ARHGAP8: variants seen among roughly 807,000 people sequenced by gnomAD.
The protein encoded by ARHGAP8 is rho GTPase-activating protein 8.
A neutral mutation model predicts 46.1 loss-of-function variants in ARHGAP8; 62 were observed. The observed-to-expected ratio is 1.34, with a 90% CI of 1.10 to 1.66. The LOEUF is 1.66. Among genes scored for constraint, ARHGAP8 ranks in the 40% most tolerant of loss-of-function variants. The pLI is 0.00. For synonymous variants in ARHGAP8, 375 were observed against 243.1 expected, an observed-to-expected ratio of 1.54 and a Z score of -5.05; for missense variants, 923 against 568.4, an observed-to-expected ratio of 1.62 and a Z score of -6.34.
rs79201239 is a variant in ARHGAP8, at chr22:44,859,525, A to G, written c.878-206A>G. 1.0e-3 allele frequency: 622 copies of G among 593,384 alleles called. 4 individuals carry two copies. In the African/African-American group the frequency reaches 0.011, roughly 10 times the overall value. The allele number at this position is 593,384 out of a possible 1,614,324, so 36.8% of individuals were successfully genotyped here. Reference sequence around the variant, plus strand: ...CAGTTAAACCTCTTTTCTTATAAATAACCCCATCTCAGCAAGAATAGCCAA... The same window carrying G: ...CAGTTAAACCTCTTTTCTTATAAATGACCCCATCTCAGCAAGAATAGCCAA... On this transcript the variant is annotated intron_variant, in intron 10 of 11. Coordinates refer to ENST00000356099, the MANE Select transcript of ARHGAP8 (RefSeq NM_181335.3).
At chr22:44,768,696 C>T (rs1925779566) in intron 1 of ARHGAP8, among the ~76,000 whole-genome samples, 1 of 152,096 alleles carries the variant, frequency 6.6e-6, no homozygotes, top group African/African-American at 2.4e-5. Flanking sequence ...CAGATGAAGC[C>T]TTTTGGGCAA....
chr22:44,821,802 C>T (rs140184933), intron 5 of ARHGAP8, among the ~76,000 whole-genome samples: 176 of 152,268 alleles, frequency 1.2e-3, no homozygotes, highest in African/African-American at 3.9e-3. Flanking sequence ...AGGGAGAAGA[C>T]GGAGTTGCTG....
intron 1 of ARHGAP8, 67 bp downstream of exon 1, chr22:44,752,694 CGCG>C (rs1924330915): frequency 7.6e-6 from 1 of 132,196 alleles, no homozygotes; most frequent in Non-Finnish European, 1.6e-5. Context: ...GGGGGTGCGC[CGCG>C]GGGGCTCCCA....
intron 5 of ARHGAP8, among the ~76,000 whole-genome samples, chr22:44,821,419 A>C (rs972997364): frequency 2.1e-5 from 2 of 94,168 alleles, no homozygotes; most frequent in African/African-American, 8.7e-5. Flanking sequence ...ACAGAGCGAG[A>C]CTCCATCTCG....
At chr22:44,785,088 A>G (rs1207013867) in intron 1 of ARHGAP8, among the ~76,000 whole-genome samples, 1 of 152,182 alleles carries the variant, frequency 6.6e-6, no homozygotes, top group African/African-American at 2.4e-5. Context: ...CATGTGAGGC[A>G]GCCCTCAGGC....
chr22:44,808,676 G>A, intron 4 of ARHGAP8: 9 of 742,946 alleles, frequency 1.2e-5, no homozygotes, highest in Middle Eastern at 3.5e-4. Flanking sequence ...TTTAAGAGAC[G>A]GTCTCACCCA....
chr22:44,862,576 C>G lies in ARHGAP8; in HGVS notation c.1283C>G (p.Ala428Gly), dbSNP rs781425132. The G allele has an allele frequency of 1.1e-5, 18 of 1,588,654 alleles. No homozygotes were observed. The highest frequency in any genetic ancestry group is 1.5e-5 in the Non-Finnish European group (18 of 1,162,322). Residue 428 changes from alanine (A) to glycine (G), a missense_variant, in exon 12 of 12, where the codon GCA (alanine) becomes GGA (glycine). Coordinates refer to ENST00000356099, the MANE Select transcript of ARHGAP8 (RefSeq NM_181335.3). ...ACCCTACCTCCGAGTCCCCTGATGGCAGCCAGAAGACGTCTCTAGTGTTGC... is the reference window on the plus strand; with the variant it reads ...ACCCTACCTCCGAGTCCCCTGATGGGAGCCAGAAGACGTCTCTAGTGTTGC... ...KPTLPPSPLM[A>G]ARRRL
chr22:44,822,317 G>T, intron 5 of ARHGAP8, 54 bp from the exon 6 acceptor site: 2 of 1,492,120 alleles, frequency 1.3e-6, no homozygotes, highest in Non-Finnish European at 1.8e-6. Context: ...TGCAACCCTC[G>T]GCCTCTCTGC....
intron 7 of ARHGAP8, among the ~76,000 whole-genome samples, chr22:44,842,113 C>T (rs1052448868): frequency 6.6e-6 from 1 of 152,234 alleles, no homozygotes; most frequent in Non-Finnish European, 1.5e-5. Context: ...AATCCCAGCA[C>T]TTTGGGAGGC....
intron 1 of ARHGAP8, among the ~76,000 whole-genome samples, chr22:44,761,112 G>C (rs1358825178): frequency 6.6e-6 from 1 of 152,238 alleles, no homozygotes; most frequent in Non-Finnish European, 1.5e-5. Flanking sequence ...CACGGATACT[G>C]TTTGAGCAAA....
chr22:44,767,840 T>C (rs1279239235), intron 1 of ARHGAP8, among the ~76,000 whole-genome samples: 2 of 144,040 alleles, frequency 1.4e-5, no homozygotes, highest in Non-Finnish European at 3.0e-5. Context: ...GCCACTGCAC[T>C]CCAGCCTGGG....
intron 10 of ARHGAP8, among the ~76,000 whole-genome samples, chr22:44,856,129 T>G (rs1021387245): frequency 5.3e-5 from 8 of 152,078 alleles, no homozygotes; most frequent in Non-Finnish European, 1.2e-4. Context: ...CCCCATGATT[T>G]AATCACCCGT....
intron 1 of ARHGAP8, among the ~76,000 whole-genome samples, chr22:44,773,753 T>G (rs1217015252): frequency 6.6e-6 from 1 of 152,198 alleles, no homozygotes; most frequent in South Asian, 2.1e-4. Flanking sequence ...TAGCTAATTT[T>G]TGTATTTTTA....
At chr22:44,859,499 C>T (rs372922095) in intron 10 of ARHGAP8, among the ~76,000 whole-genome samples, 2 of 152,314 alleles carry the variant, frequency 1.3e-5, no homozygotes, top group South Asian at 2.1e-4. Flanking sequence ...GAACCATGAG[C>T]CAGTTAAACC....
Position 44,862,264 on chromosome 22 carries a change from G to A in ARHGAP8, c.982-11G>A, listed in dbSNP as rs1445595515. The A allele has an allele frequency of 1.3e-6, 2 of 1,578,768 alleles. No homozygotes were observed. The highest frequency in any genetic ancestry group is 1.7e-6 in the Non-Finnish European group (2 of 1,157,834). ...GTTCACTCCCCTTTACTTGTGTGTG[G>A]TTTCCTCCAGGTGTCCCGGGAGAGC... is the stretch of plus-strand genomic sequence containing the variant. On this transcript the variant is annotated splice_polypyrimidine_tract_variant and intron_variant, in intron 11 of 11. Coordinates refer to ENST00000356099, the MANE Select transcript of ARHGAP8 (RefSeq NM_181335.3).
At position 44,752,585 on chromosome 22, in the gene ARHGAP8, C is replaced by G. The variant is rs1007509692; in HGVS notation, c.-114C>G. The G allele has an allele frequency of 6.6e-6, 1 of 151,090 alleles. No homozygotes were observed. Among genetic ancestry groups the G allele is most frequent in the Non-Finnish European group, 1.5e-5 (1 of 67,804 alleles). 9.4% of individuals were successfully genotyped at this position (151,090 alleles called of 1,614,324 possible). On this transcript the variant is annotated 5_prime_UTR_variant, in exon 1 of 12. Transcript: ENST00000356099. ...GTCCGGGGAGGGGCCAGGTGAGCGG[C>G]AGACCCGGCACGCAGGTGGGGGCCG... is the stretch of plus-strand genomic sequence containing the variant.
chr22:44,772,390 A>C (rs1404940110), intron 1 of ARHGAP8, among the ~76,000 whole-genome samples: 1 of 114,330 alleles, frequency 8.7e-6, no homozygotes, highest in Non-Finnish European at 1.7e-5. Context: ...GGGTTTCGCT[A>C]TGTTGACCAG....
At chr22:44,754,032 G>A (rs1924466160) in intron 1 of ARHGAP8, among the ~76,000 whole-genome samples, 1 of 152,220 alleles carries the variant, frequency 6.6e-6, no homozygotes, top group South Asian at 2.1e-4. Context: ...GTAGGGCGAA[G>A]AGGGACATGG....
At chr22:44,797,217 C>CTTTTTT (rs370851544) in intron 2 of ARHGAP8, among the ~76,000 whole-genome samples, 2 of 128,004 alleles carry the variant, frequency 1.6e-5, no homozygotes, top group Non-Finnish European at 3.3e-5. Flanking sequence ...TGCTACTTGG[C>CTTTTTT]TTTTTTTTTT....
Sources: gnomAD v4.1 joint callset for allele counts (sites outside exome capture counted in the v4.1 genomes callset) on GRCh38, gnomAD v4.1.1 for gene constraint, MANE v1.5 for transcripts, NCBI Gene and HGNC (gene_info 2026-07-23, HGNC 2026-07-21) for gene names.